The following GAS7 variants were observed in gnomAD, a reference collection of about 807,000 sequenced individuals.
GAS7 encodes the protein growth arrest-specific protein 7.
A neutral mutation model predicts 71.1 loss-of-function variants in GAS7; 28 were observed. The observed-to-expected ratio is 0.39, with a 90% CI of 0.29 to 0.54. The LOEUF (loss-of-function observed/expected upper bound fraction) is 0.54, where lower values mean the gene tolerates loss of function less well. Among genes scored for constraint, GAS7 ranks in the 20% least tolerant of loss-of-function variants. The probability of loss-of-function intolerance (pLI) is 0.62; values close to 1 mark genes in which losing one functional copy is unlikely to be tolerated. For synonymous variants in GAS7, 258 were observed against 245.8 expected (o/e 1.05, Z -0.46); for missense variants, 436 against 627.8 (o/e 0.69, Z 3.27).
At chr17:10,046,785 A>AAAGGAAGGAAGGAAGGAAGG (rs57271954) in intron 1 of GAS7, among the ~76,000 whole-genome samples, 46 of 68,808 alleles carry the variant, frequency 6.7e-4, no homozygotes, top group Middle Eastern at 7.2e-3. Context: ...AGAAAGAAAG[A>AAAGGAAGGAAGGAAGGAAGG]AAGGAAGGAA....
At chr17:10,057,383 G>A (rs1270177492) in intron 1 of GAS7, among the ~76,000 whole-genome samples, 1 of 151,876 alleles carries the variant, frequency 6.6e-6, no homozygotes, top group Non-Finnish European at 1.5e-5. Flanking sequence ...CGTCTGAGAT[G>A]TGGGGAGCGC....
intron 2 of GAS7, among the ~76,000 whole-genome samples, chr17:10,016,754 T>A (rs201055988): frequency 7.2e-3 from 70 of 9,738 alleles, no homozygotes; most frequent in Middle Eastern, 0.1. Context: ...CTACAAAAAA[T>A]AATAATAATA....
chr17:9,980,559 T>C (rs79160163), intron 3 of GAS7, among the ~76,000 whole-genome samples: 213 of 152,334 alleles, frequency 1.4e-3, no homozygotes, highest in African/African-American at 4.7e-3. Context: ...ACCACAACTT[T>C]GACTTTCATG....
chr17:10,048,340 A>G (rs2073011605), intron 1 of GAS7, among the ~76,000 whole-genome samples: 1 of 152,232 alleles, frequency 6.6e-6, no homozygotes, highest in African/African-American at 2.4e-5. Flanking sequence ...ACAAAAAATC[A>G]TTCATATAAA....
chr17:9,918,052 G>A lies in GAS7; in HGVS notation c.1266C>T (p.His422=), dbSNP rs1179969708. ...EVERVEMIRQ[H]LCQYTQLRHE... Reference sequence around the variant, plus strand: ...GCCGCAGCTGCGTGTACTGGCACAGGTGCTGCCGGATCATCTCTACCCTCT... The same window carrying A: ...GCCGCAGCTGCGTGTACTGGCACAGATGCTGCCGGATCATCTCTACCCTCT... The change falls in exon 13 of 14, where the codon CAC becomes CAT. Residue 422 remains histidine (H), a synonymous_variant. Coordinates refer to ENST00000432992, the MANE Select transcript of GAS7 (RefSeq NM_201433.2). 6.2e-7 allele frequency: 1 copy of A among 1,613,976 alleles called. No individual in the cohort carries two copies. Among genetic ancestry groups the A allele is most frequent in the Non-Finnish European group, 8.5e-7 (1 of 1,179,894 alleles).
chr17:10,064,183 G>A (rs533327609), intron 1 of GAS7, among the ~76,000 whole-genome samples: 6 of 152,268 alleles, frequency 3.9e-5, no homozygotes, highest in South Asian at 2.1e-4. Flanking sequence ...CCAGATTGAC[G>A]TTTTCATTTC....
At chr17:9,966,306 C>T (rs2069714064) in intron 4 of GAS7, among the ~76,000 whole-genome samples, 1 of 151,984 alleles carries the variant, frequency 6.6e-6, no homozygotes. Flanking sequence ...CCCCTCCCCC[C>T]AAAATTCTAA....
rs994500890 is a variant in GAS7 at position 9,911,478 on chromosome 17, G to A, written c.*5750C>T. On this transcript the variant is annotated 3_prime_UTR_variant, in exon 14 of 14. Transcript: ENST00000432992. This position sits in a 1 kb window ranked among gnomAD's most constrained non-coding sequence, Gnocchi z 4.0. ...CCACACGCAATCTCCAAAGGCCATCGCCCCAACCTCACCCCACCCCCAGAG... is the reference window on the plus strand; with the variant it reads ...CCACACGCAATCTCCAAAGGCCATCACCCCAACCTCACCCCACCCCCAGAG... 2 of 233,208 alleles carry A rather than the reference G, an allele frequency of 8.6e-6. No homozygotes were observed. The highest frequency in any genetic ancestry group is 1.7e-5 in the Non-Finnish European group (2 of 118,132). 14.4% of individuals were successfully genotyped at this position (233,208 alleles called of 1,614,324 possible).
chr17:10,043,962 G>C (rs1307202164), intron 1 of GAS7, among the ~76,000 whole-genome samples: 3 of 152,060 alleles, frequency 2.0e-5, no homozygotes, highest in Non-Finnish European at 4.4e-5. Context: ...ATAAGAAAGA[G>C]AAAATACACC....
intron 11 of GAS7, among the ~76,000 whole-genome samples, chr17:9,922,191 G>A (rs2067841834): frequency 1.1e-5 from 1 of 88,288 alleles, no homozygotes; most frequent in Non-Finnish European, 3.0e-5. Flanking sequence ...CTATGGTGGT[G>A]ATGAAGATGA....
chr17:10,059,029 G>C (rs778163894), intron 1 of GAS7, among the ~76,000 whole-genome samples: 3 of 152,194 alleles, frequency 2.0e-5, no homozygotes, highest in Non-Finnish European at 4.4e-5. Flanking sequence ...CCCTTTCACT[G>C]TTGTGTACAC....
intron 7 of GAS7, among the ~76,000 whole-genome samples, chr17:9,940,879 T>C (rs2068578430): frequency 6.6e-6 from 1 of 152,200 alleles, no homozygotes; most frequent in Non-Finnish European, 1.5e-5. Flanking sequence ...TTAAGCATGT[T>C]GTCAGAGGTA....
At chr17:9,917,389 C>CT in intron 13 of GAS7, 48 bp from the exon 14 acceptor site, 2 of 1,272,490 alleles carry the variant, frequency 1.6e-6, no homozygotes, top group Non-Finnish European at 2.3e-6. Context: ...GGCGGCCAAG[C>CT]CAGGGAGGTC....
intron 1 of GAS7, among the ~76,000 whole-genome samples, chr17:10,158,348 A>AAACAAAAAAC (rs1555538254): frequency 6.8e-6 from 1 of 146,178 alleles, no homozygotes. Context: ...AAAAAAAAAA[A>AAACAAAAAAC]AAAAAAAAAA....
chr17:10,165,027 G>A (rs1445024161), intron 1 of GAS7, among the ~76,000 whole-genome samples: 1 of 151,480 alleles, frequency 6.6e-6, no homozygotes, highest in Non-Finnish European at 1.5e-5. Flanking sequence ...GCGAGCGCCT[G>A]TAGTCCCAGC....
chr17:10,152,412 A>G (rs1220177049), intron 1 of GAS7, among the ~76,000 whole-genome samples: 1 of 152,228 alleles, frequency 6.6e-6, no homozygotes, highest in Non-Finnish European at 1.5e-5. Context: ...CAATACCTTG[A>G]CTTTGTAAAG....
At chr17:10,068,899 T>C (rs571437746) in intron 1 of GAS7, among the ~76,000 whole-genome samples, 7 of 152,148 alleles carry the variant, frequency 4.6e-5, no homozygotes, top group Non-Finnish European at 7.4e-5. Context: ...ACATAGGATG[T>C]GCCTAATTCC....
At chr17:10,012,334 C>G (rs754442617) in intron 2 of GAS7, among the ~76,000 whole-genome samples, 5 of 152,206 alleles carry the variant, frequency 3.3e-5, no homozygotes, top group Admixed American at 6.5e-5. Flanking sequence ...GTCACCCAGG[C>G]TGGAGAGCAA....
chr17:10,019,040 T>C (rs962138542), intron 2 of GAS7, among the ~76,000 whole-genome samples: 1 of 152,156 alleles, frequency 6.6e-6, no homozygotes, highest in African/African-American at 2.4e-5. Context: ...CCTGCAACAG[T>C]GCCCTTTGCT....
Sources: allele counts gnomAD v4.1 joint callset (sites outside exome capture counted in the v4.1 genomes callset), GRCh38; gene constraint gnomAD v4.1.1; non-coding constraint Gnocchi (gnomAD v3.1); transcripts MANE v1.5; gene names NCBI Gene and HGNC (gene_info 2026-07-23, HGNC 2026-07-21).